The following LRMDA variants were observed in gnomAD, a reference collection of about 807,000 sequenced individuals.
LRMDA encodes leucine-rich melanocyte differentiation-associated protein.
Under a neutral mutation model 29.8 loss-of-function variants are expected in LRMDA, and 18 were observed. The ratio of observed to expected loss-of-function variants is 0.60; its 90% CI spans 0.42 to 0.90. The LOEUF (loss-of-function observed/expected upper bound fraction) is 0.90. LRMDA is among the 40% of genes least tolerant of loss of function. LRMDA has a pLI of 0.00. For missense variants in LRMDA, 273 were observed against 273.9 expected (o/e 1.00, Z 0.02); for synonymous variants, 125 against 109.4 (o/e 1.14, Z -0.89).
intron 2 of LRMDA, among the ~76,000 whole-genome samples, chr10:75,623,267 G>A (rs1403143462): frequency 6.6e-6 from 1 of 152,226 alleles, no homozygotes; most frequent in Non-Finnish European, 1.5e-5. Flanking sequence ...CAGCCTGGCA[G>A]AGCTTTCTTC....
intron 5 of LRMDA, among the ~76,000 whole-genome samples, chr10:76,163,716 A>G (rs1270326525): frequency 6.6e-6 from 1 of 152,186 alleles, no homozygotes; most frequent in African/African-American, 2.4e-5. Context: ...AATGTGAACT[A>G]TGGTAGAGTC....
chr10:76,028,420 T>G (rs1848096237), intron 2 of LRMDA, among the ~76,000 whole-genome samples: 1 of 152,196 alleles, frequency 6.6e-6, no homozygotes, highest in African/African-American at 2.4e-5. Flanking sequence ...TCCTTTTAAT[T>G]TTTTCGAGTA....
intron 6 of LRMDA, among the ~76,000 whole-genome samples, chr10:76,492,739 C>T (rs1415847927): frequency 6.6e-6 from 1 of 152,010 alleles, no homozygotes; most frequent in Admixed American, 6.6e-5. Flanking sequence ...GCAGAAGGTG[C>T]CTCTTCACAG....
intron 6 of LRMDA, among the ~76,000 whole-genome samples, chr10:76,423,820 G>A (rs1842094777): frequency 6.6e-6 from 1 of 152,136 alleles, no homozygotes; most frequent in South Asian, 2.1e-4. Context: ...GGAGGTGTTT[G>A]TTATAGAAAA....
intron 4 of LRMDA, among the ~76,000 whole-genome samples, chr10:76,055,314 CATA>C (rs1019132771): frequency 6.7e-4 from 102 of 152,182 alleles, no homozygotes; most frequent in African/African-American, 2.4e-3. Flanking sequence ...AAAAGAATTT[CATA>C]ATATTTTGAC....
intron 2 of LRMDA, among the ~76,000 whole-genome samples, chr10:75,578,240 G>A (rs867758972): frequency 6.2e-3 from 230 of 37,198 alleles, no homozygotes; most frequent in South Asian, 0.019. Context: ...AAAAAAAAAA[G>A]CAGCAGTTGC....
intron 2 of LRMDA, among the ~76,000 whole-genome samples, chr10:75,894,767 G>A (rs1209521496): frequency 6.6e-6 from 1 of 152,176 alleles, no homozygotes; most frequent in Non-Finnish European, 1.5e-5. Flanking sequence ...ACAACCAGAA[G>A]ATCTAAGCGT....
chr10:75,698,108 G>A (rs1842261238), intron 2 of LRMDA, among the ~76,000 whole-genome samples: 1 of 152,184 alleles, frequency 6.6e-6, no homozygotes, highest in Admixed American at 6.5e-5. Context: ...TGGAACCAAG[G>A]TTCAAATCCA....
chr10:76,028,155 A>G (rs548885681), intron 2 of LRMDA, among the ~76,000 whole-genome samples: 2 of 152,324 alleles, frequency 1.3e-5, no homozygotes, highest in African/African-American at 4.8e-5. Context: ...AAAGCTTGAC[A>G]AAACTATGTT....
chr10:75,984,475 A>G (rs1847227994), intron 2 of LRMDA, among the ~76,000 whole-genome samples: 2 of 152,228 alleles, frequency 1.3e-5, no homozygotes, highest in South Asian at 2.1e-4. Flanking sequence ...ACAAGCAGCC[A>G]TGTGGCTGGT....
At position 75,656,572 on chromosome 10, in the gene LRMDA, C is replaced by T. The variant is rs117464271; in HGVS notation, c.131+218078C>T. The stretch of plus-strand genomic sequence containing the variant: ...TCTTTGCTTGGAGGCAGGAAGATGA[C>T]TCCCCAAGCCCCTGTTTGTCCCCCA... On this transcript the variant is annotated intron_variant, in intron 2 of 6. Transcript: ENST00000611255. 1.1e-4 allele frequency among the ~76,000 whole-genome samples: 17 copies of T among 152,240 alleles called. No homozygotes were observed. In the East Asian group the frequency reaches 3.3e-3, roughly 29 times the overall value.
At position 75,454,775 on chromosome 10, in the gene LRMDA, C is replaced by G. The variant is rs143776885; in HGVS notation, c.131+16281C>G. ...TGTAATTGGATATAGCAAATCAGTA[C>G]TCTGAATTCAATTCTTTCAGGCTGG... is the stretch of plus-strand genomic sequence containing the variant. On this transcript the variant is annotated intron_variant, in intron 2 of 6. Coordinates refer to ENST00000611255, the MANE Select transcript of LRMDA (RefSeq NM_001305581.2). 2.0e-3 allele frequency among the ~76,000 whole-genome samples: 311 copies of G among 152,274 alleles called. 2 individuals carry two copies. Among genetic ancestry groups the G allele is most frequent in the African/African-American group, 6.8e-3 (281 of 41,528 alleles).
chr10:75,541,726 C>T (rs1840019362), intron 2 of LRMDA, among the ~76,000 whole-genome samples: 1 of 152,140 alleles, frequency 6.6e-6, no homozygotes, highest in African/African-American at 2.4e-5. Flanking sequence ...CAGTTTAAAT[C>T]AAGTTTTGCT....
intron 2 of LRMDA, among the ~76,000 whole-genome samples, chr10:75,906,350 C>T (rs149172039): frequency 6.7e-4 from 102 of 152,140 alleles, no homozygotes; most frequent in Middle Eastern, 6.8e-3. Context: ...TGTTTAAAAC[C>T]AGCACCATTA....
At chr10:76,123,048 G>A in intron 5 of LRMDA, among the ~76,000 whole-genome samples, 1 of 152,012 alleles carries the variant, frequency 6.6e-6, no homozygotes, top group East Asian at 1.9e-4. Flanking sequence ...CCTCATGTTT[G>A]GCATGCAATC....
chr10:75,515,001 A>AT (rs1161207771), intron 2 of LRMDA, among the ~76,000 whole-genome samples: 2 of 152,188 alleles, frequency 1.3e-5, no homozygotes, highest in Non-Finnish European at 2.9e-5. Flanking sequence ...CAACTGATGA[A>AT]TAAAAAAAAA....
chr10:75,900,242 C>A (rs1325773895), intron 2 of LRMDA, among the ~76,000 whole-genome samples: 1 of 152,180 alleles, frequency 6.6e-6, no homozygotes, highest in Non-Finnish European at 1.5e-5. Flanking sequence ...AGAGTTAAGT[C>A]TGTCAAATGT....
In LRMDA at chr10:76,510,750, G is replaced by C. The variant is rs576172228; in HGVS notation, c.602-46459G>C. 3.3e-5 allele frequency among the ~76,000 whole-genome samples: 5 copies of C among 152,276 alleles called. No homozygotes were observed. The East Asian group carries it at 9.7e-4, about 29-fold the overall frequency. The stretch of plus-strand genomic sequence containing the variant: ...TGAGATGAGGTCTTCCAGAGCCTGT[G>C]ATCCCAGATGTGATTGATCATCTTG... On this transcript the variant is annotated intron_variant, in intron 6 of 6. Transcript: ENST00000611255.
chr10:75,774,749 A>T lies in LRMDA; in HGVS notation c.132-261259A>T, dbSNP rs569089815. Reference sequence around the variant, plus strand: ...GGTTTCATTCTGAAAACAGCAAGACAACTGACAAGTTAAATAAGATATTAC... The same window carrying T: ...GGTTTCATTCTGAAAACAGCAAGACTACTGACAAGTTAAATAAGATATTAC... On this transcript the variant is annotated intron_variant, in intron 2 of 6. Coordinates refer to ENST00000611255, the MANE Select transcript of LRMDA (RefSeq NM_001305581.2). Among the ~76,000 whole-genome samples, 415 of 152,296 alleles carry T rather than the reference A, an allele frequency of 2.7e-3. 2 individuals are homozygous for T. The highest frequency in any genetic ancestry group is 4.5e-3 in the Non-Finnish European group (309 of 68,022).
Sources: allele counts gnomAD v4.1 joint callset (sites outside exome capture counted in the v4.1 genomes callset), GRCh38; gene constraint gnomAD v4.1.1; transcripts MANE v1.5; gene names NCBI Gene and HGNC (gene_info 2026-07-23, HGNC 2026-07-21).